TRIP12: variants seen among roughly 807,000 people sequenced by gnomAD.
TRIP12 encodes E3 ubiquitin-protein ligase TRIP12.
In TRIP12, 25 loss-of-function variants were observed where a neutral mutation model predicts 244.2. The ratio of observed to expected loss-of-function variants is 0.10; its 90% CI spans 0.07 to 0.14. The LOEUF (loss-of-function observed/expected upper bound fraction) is 0.14. TRIP12 is among the 10% of genes least tolerant of loss of function. The pLI, the probability that TRIP12 is intolerant of heterozygous loss-of-function variation, is 1.00. For missense variants in TRIP12, 1,677 were observed against 2,486.4 expected (o/e 0.67, Z 6.92); for synonymous variants, 905 against 873.1 (o/e 1.04, Z -0.64).
chr2:229,917,714 G>C (rs755834962), intron 1 of TRIP12, among the ~76,000 whole-genome samples: 5 of 152,076 alleles, frequency 3.3e-5, no homozygotes, highest in Non-Finnish European at 7.4e-5. Flanking sequence ...AGAATCTGCT[G>C]GGGTCAAAGA....
chr2:229,815,126 T>C lies in TRIP12; in HGVS notation c.1704A>G (p.Val568=), dbSNP rs764031872. The C allele has an allele frequency of 6.2e-6, 10 of 1,612,760 alleles. No homozygotes were observed. The highest frequency in any genetic ancestry group is 8.5e-6 in the Non-Finnish European group (10 of 1,179,482). Reference sequence around the variant, plus strand: ...TTTCTAAAAAGACAGGAATAGCATCTACTACAACAGCAGAAGATCGAGGAA... The same window carrying C: ...TTTCTAAAAAGACAGGAATAGCATCCACTACAACAGCAGAAGATCGAGGAA... ...EALPRSSAVV[V]DAIPVFLEKL... Residue 568 remains valine (V), a synonymous_variant, in exon 11 of 42, where the codon GTA becomes GTG. Transcript: ENST00000675903.
intron 39 of TRIP12, 113 bp downstream of exon 39, chr2:229,771,406 C>T: frequency 3.8e-6 from 3 of 782,438 alleles, no homozygotes; most frequent in Non-Finnish European, 6.2e-6. Context: ...CCCCTGCTAT[C>T]TAACACCCAT....
chr2:229,785,317 G>A (rs2039668692), intron 34 of TRIP12, among the ~76,000 whole-genome samples: 1 of 152,220 alleles, frequency 6.6e-6, no homozygotes, highest in Admixed American at 6.5e-5. Context: ...ATTTTGCAAA[G>A]TGAAATGGGG....
chr2:229,795,364 A>C, intron 25 of TRIP12, 34 bp from the exon 26 acceptor site: 1 of 1,573,410 alleles, frequency 6.4e-7, no homozygotes, highest in Non-Finnish European at 8.6e-7. Flanking sequence ...GGTTAAACAA[A>C]GCCTTTTCAA....
At chr2:229,851,111 G>T (rs1004883420) in intron 4 of TRIP12, among the ~76,000 whole-genome samples, 1 of 152,232 alleles carries the variant, frequency 6.6e-6, no homozygotes, top group Non-Finnish European at 1.5e-5. Flanking sequence ...AGCACATGGC[G>T]CGGGACCGGC....
chr2:229,904,761 G>A (rs755646497), intron 1 of TRIP12, among the ~76,000 whole-genome samples: 1 of 152,082 alleles, frequency 6.6e-6, no homozygotes, highest in Non-Finnish European at 1.5e-5. Flanking sequence ...TACATGTTAC[G>A]TGACACCCTG....
At chr2:229,840,747 A>T in intron 5 of TRIP12, 75 bp downstream of exon 5, 1 of 1,000,812 alleles carries the variant, frequency 1.0e-6, no homozygotes, top group Non-Finnish European at 1.5e-6. Flanking sequence ...CTATGGAGTT[A>T]AGTATTTTGA....
At position 229,820,400 on chromosome 2, in the gene TRIP12, T is replaced by A. The variant is rs551918268; in HGVS notation, c.1451-1888A>T. Among the ~76,000 whole-genome samples, 21 of 152,248 alleles carry A rather than the reference T, an allele frequency of 1.4e-4. No homozygotes were observed. The South Asian group carries it at 3.5e-3, about 26-fold the overall frequency. ...AAAAGCCAAAACCATAACCAAAACCTGATTTATCCTCTGATTTATGAGGAG... is the reference window on the plus strand; with the variant it reads ...AAAAGCCAAAACCATAACCAAAACCAGATTTATCCTCTGATTTATGAGGAG... On this transcript the variant is annotated intron_variant, in intron 8 of 41. Coordinates refer to ENST00000675903, the MANE Select transcript of TRIP12 (RefSeq NM_001348323.3).
chr2:229,880,922 C>T (rs2064723634), intron 1 of TRIP12, among the ~76,000 whole-genome samples: 1 of 152,092 alleles, frequency 6.6e-6, no homozygotes, highest in Non-Finnish European at 1.5e-5. Flanking sequence ...CCAGCCTGGG[C>T]AACAGAGTGA....
At chr2:229,802,484 G>T in intron 20 of TRIP12, 25 bp from the exon 21 acceptor site, 1 of 1,580,304 alleles carries the variant, frequency 6.3e-7, no homozygotes. Flanking sequence ...AGATGAAAGG[G>T]AGTCAGTTTT....
At position 229,778,751 on chromosome 2, in the gene TRIP12, G is replaced by C. The variant is rs2037122839; in HGVS notation, c.5209+125C>G. On this transcript the variant is annotated intron_variant, in intron 35 of 41. Coordinates refer to ENST00000675903, the MANE Select transcript of TRIP12 (RefSeq NM_001348323.3). The surrounding 1 kb of genome is among the most constrained non-coding windows in gnomAD (Gnocchi z 4.1). ...CAGGCCTTCCCTATTTGATAAATGA[G>C]AAAACAGAGGCTAAAAGAAAGCAAG... The C allele has an allele frequency of 2.2e-6, 3 of 1,334,760 alleles. No individual in the cohort carries two copies. The highest frequency in any genetic ancestry group is 2.3e-5 in the East Asian group (1 of 43,354). The allele number at this position is 1,334,760 out of a possible 1,614,324, so 82.7% of individuals were successfully genotyped here. A position where few individuals can be genotyped will look rare whatever the true frequency, so the allele number is the denominator to read the frequency against.
intron 1 of TRIP12, among the ~76,000 whole-genome samples, chr2:229,885,967 G>T (rs1466328553): frequency 6.6e-6 from 1 of 152,018 alleles, no homozygotes; most frequent in African/African-American, 2.4e-5. Context: ...AACCTTACCT[G>T]AACATGATAG....
intron 39 of TRIP12, among the ~76,000 whole-genome samples, chr2:229,771,070 C>T (rs931944830): frequency 6.6e-6 from 1 of 152,172 alleles, no homozygotes; most frequent in African/African-American, 2.4e-5. Flanking sequence ...CTGTATTTGG[C>T]AATTAGATAA....
intron 38 of TRIP12, 110 bp downstream of exon 38, chr2:229,773,987 G>T: frequency 8.8e-7 from 1 of 1,132,918 alleles, no homozygotes; most frequent in Non-Finnish European, 1.3e-6. Context: ...AGTGGTCCTG[G>T]GGATGTGGAA....
At chr2:229,805,933 TACCTTA>T in intron 17 of TRIP12, 50 bp from the exon 18 acceptor site, 1 of 1,442,330 alleles carries the variant, frequency 6.9e-7, no homozygotes, top group South Asian at 1.4e-5. Context: ...AGAAATCTAT[TACCTTA>T]AGACACAGTG....
chr2:229,817,072 G>A (rs1018052259), intron 9 of TRIP12, among the ~76,000 whole-genome samples: 3 of 152,128 alleles, frequency 2.0e-5, no homozygotes, highest in Non-Finnish European at 2.9e-5. Flanking sequence ...CCAGAGCTGA[G>A]CCATCCAAAT....
At chr2:229,914,183 C>T (rs554077071) in intron 1 of TRIP12, among the ~76,000 whole-genome samples, 2 of 151,814 alleles carry the variant, frequency 1.3e-5, no homozygotes, top group South Asian at 2.1e-4. Context: ...CCAGCCTGGG[C>T]GGCAAAGCAA....
intron 4 of TRIP12, among the ~76,000 whole-genome samples, chr2:229,844,038 A>C (rs146064455): frequency 2.0e-4 from 31 of 152,332 alleles, no homozygotes; most frequent in Middle Eastern, 3.4e-3. Flanking sequence ...TGGCTTTCGA[A>C]ATGTGATATA....
At chr2:229,837,248 C>T (rs2055067932) in intron 5 of TRIP12, among the ~76,000 whole-genome samples, 1 of 152,158 alleles carries the variant, frequency 6.6e-6, no homozygotes, top group African/African-American at 2.4e-5. Flanking sequence ...ATTTTTAAAA[C>T]ACTTCCAACT....
Sources: gnomAD v4.1 joint callset for allele counts (sites outside exome capture counted in the v4.1 genomes callset) on GRCh38, gnomAD v4.1.1 for gene constraint, Gnocchi (gnomAD v3.1) non-coding constraint, MANE v1.5 for transcripts, NCBI Gene and HGNC (gene_info 2026-07-23, HGNC 2026-07-21) for gene names.